PLEKHA8: variants seen among roughly 807,000 people sequenced by gnomAD.
PLEKHA8 encodes the protein pleckstrin homology domain-containing family A member 8.
A neutral mutation model predicts 68.2 loss-of-function variants in PLEKHA8; 36 were observed. The observed-to-expected ratio is 0.53, with a 90% confidence interval of 0.40 to 0.70. The LOEUF (loss-of-function observed/expected upper bound fraction) is 0.70. Among genes scored for constraint, PLEKHA8 ranks in the 30% least tolerant of loss-of-function variants. The pLI is 0.00. For synonymous variants in PLEKHA8, 211 were observed against 216.1 expected (o/e 0.98, Z 0.20); for missense variants, 505 against 615.4 (o/e 0.82, Z 1.90).
intron 10 of PLEKHA8, 76 bp from the exon 11 acceptor site, chr7:30,061,821 A>G: frequency 6.5e-7 from 1 of 1,541,894 alleles, no homozygotes; most frequent in Non-Finnish European, 8.8e-7. Context: ...CCAAACTTAC[A>G]AGTCTCCAGA....
In PLEKHA8 at chr7:30,103,193, C is replaced by T. The variant is rs185722735; in HGVS notation, c.1363-26073C>T. Among the ~76,000 whole-genome samples, 78 of 152,190 alleles carry T rather than the reference C, an allele frequency of 5.1e-4. 1 individual carries two copies. Among genetic ancestry groups the T allele is most frequent in the Middle Eastern group, 3.4e-3 (1 of 294 alleles). On this transcript the variant is annotated intron_variant, in intron 13 of 13. Coordinates refer to the PLEKHA8 transcript ENST00000396257. The stretch of plus-strand genomic sequence containing the variant: ...AAAAATGTTCCAGAACAAAAATGTT[C>T]CAGATATTGTGCATAAGAAATGATG...
intron 10 of PLEKHA8, among the ~76,000 whole-genome samples, chr7:30,061,662 G>GA (rs1483926315): frequency 2.0e-5 from 3 of 152,120 alleles, no homozygotes; most frequent in Non-Finnish European, 4.4e-5. Context: ...TTCTGAGGCA[G>GA]AAAAAATAAC....
In PLEKHA8 at chr7:30,036,723, C is replaced by T. The variant is rs536064066; in HGVS notation, c.40+7921C>T. On this transcript the variant is annotated intron_variant, in intron 1 of 13. Coordinates refer to ENST00000449726, the MANE Select transcript of PLEKHA8 (RefSeq NM_001197026.2). ...ATCTATTGTAATTATAGTCTTCTTA[C>T]CATCTACATGGTAGACTCTCCAGTA... Among the ~76,000 whole-genome samples the T allele has an allele frequency of 2.0e-5, 3 of 152,306 alleles. No individual in the cohort carries two copies. In the East Asian group the frequency reaches 5.8e-4, roughly 29 times the overall value.
At chr7:30,073,550 T>C (rs1794401009) in intron 12 of PLEKHA8, among the ~76,000 whole-genome samples, 3 of 139,162 alleles carry the variant, frequency 2.2e-5, no homozygotes, top group South Asian at 4.4e-4. Context: ...AGAGTGGAAG[T>C]ATTTGTGTTT....
intron 12 of PLEKHA8, among the ~76,000 whole-genome samples, chr7:30,072,585 C>T (rs978947373): frequency 2.0e-4 from 30 of 152,242 alleles, no homozygotes; most frequent in Non-Finnish European, 1.5e-5. Flanking sequence ...TGGCAATGTC[C>T]TGTGAACCAC....
chr7:30,120,406 A>T (rs1206488018), intron 13 of PLEKHA8, among the ~76,000 whole-genome samples: 1 of 152,196 alleles, frequency 6.6e-6, no homozygotes, highest in East Asian at 1.9e-4. Context: ...CGTTTGCTTT[A>T]TTTGAATACA....
chr7:30,045,109 T>C lies in PLEKHA8; in HGVS notation c.65T>C (p.Leu22Pro). The change falls in exon 2 of 14, where the codon CTC becomes CCC. Residue 22 changes from leucine (L) to proline (P), a missense_variant. Transcript: ENST00000449726. ...LSGWQPRWFL[L>P]CGGILSYYDS... The stretch of plus-strand genomic sequence containing the variant: ...GGTTGGCAGCCTCGATGGTTCCTTC[T>C]CTGTGGGGGAATATTGTCCTATTAT... The C allele has an allele frequency of 2.5e-6, 4 of 1,609,186 alleles. No individual in the cohort carries two copies. Among genetic ancestry groups the C allele is most frequent in the Non-Finnish European group, 3.4e-6 (4 of 1,178,234 alleles).
chr7:30,129,306 A>G, exon 14 of PLEKHA8: 1 of 1,612,822 alleles, frequency 6.2e-7, no homozygotes, highest in Non-Finnish European at 8.5e-7. Context: ...AGAAACCATC[A>G]TGGACCATGA....
intron 12 of PLEKHA8, among the ~76,000 whole-genome samples, chr7:30,067,529 G>C (rs890302370): frequency 1.3e-5 from 2 of 152,094 alleles, no homozygotes; most frequent in African/African-American, 4.8e-5. Context: ...TGACCTAATA[G>C]AAAAAAATAG....
At chr7:30,110,741 A>G (rs1185435539) in intron 13 of PLEKHA8, among the ~76,000 whole-genome samples, 1 of 152,176 alleles carries the variant, frequency 6.6e-6, no homozygotes, top group African/African-American at 2.4e-5. Context: ...TAGTGAGTGC[A>G]AGTGTGAAGT....
At chr7:30,106,491 G>A (rs1001022806) in intron 13 of PLEKHA8, among the ~76,000 whole-genome samples, 5 of 152,114 alleles carry the variant, frequency 3.3e-5, no homozygotes, top group African/African-American at 1.2e-4. Context: ...TAATTTAATA[G>A]CAGCAGCACC....
At chr7:30,076,078 T>C (rs1161550945) in intron 13 of PLEKHA8, among the ~76,000 whole-genome samples, 1 of 151,988 alleles carries the variant, frequency 6.6e-6, no homozygotes, top group Non-Finnish European at 1.5e-5. Context: ...TAGATGTTTA[T>C]ACATGCATAT....
At chr7:30,122,632 TCTC>T (rs1489239068) in intron 13 of PLEKHA8, among the ~76,000 whole-genome samples, 1 of 152,148 alleles carries the variant, frequency 6.6e-6, no homozygotes, top group Non-Finnish European at 1.5e-5. Context: ...CTCACTCTGC[TCTC>T]CTGTCCATGA....
At chr7:30,118,950 C>T (rs1398861428) in intron 13 of PLEKHA8, among the ~76,000 whole-genome samples, 1 of 152,200 alleles carries the variant, frequency 6.6e-6, no homozygotes, top group Non-Finnish European at 1.5e-5. Context: ...GGCCTCATTC[C>T]CAAATTCTTG....
chr7:30,124,565 G>A (rs547169530), intron 13 of PLEKHA8, among the ~76,000 whole-genome samples: 7 of 152,048 alleles, frequency 4.6e-5, no homozygotes, highest in South Asian at 2.1e-4. Flanking sequence ...AGCCTTTTTC[G>A]TTGTTTTACT....
chr7:30,117,881 T>A (rs1796617318), intron 13 of PLEKHA8: 1 of 865,994 alleles, frequency 1.2e-6, no homozygotes. Flanking sequence ...ACAACTCTAC[T>A]TCCTGTAGAT....
intron 5 of PLEKHA8, 141 bp from the exon 6 acceptor site, chr7:30,050,293 C>A: frequency 9.6e-7 from 1 of 1,046,426 alleles, no homozygotes; most frequent in Non-Finnish European, 1.3e-6. Context: ...TTTGGGAAGA[C>A]CTAAAATTGT....
chr7:30,119,365 C>T (rs995768280), intron 13 of PLEKHA8, among the ~76,000 whole-genome samples: 4 of 152,142 alleles, frequency 2.6e-5, no homozygotes, highest in African/African-American at 9.7e-5. Flanking sequence ...GAGGTTAAAT[C>T]TCATAGCTAG....
intron 13 of PLEKHA8, among the ~76,000 whole-genome samples, chr7:30,111,159 C>T (rs1796261642): frequency 6.6e-6 from 1 of 152,112 alleles, no homozygotes; most frequent in Non-Finnish European, 1.5e-5. Flanking sequence ...CCACCTCGGC[C>T]TCCCAAAGCA....
Sources: gnomAD v4.1 joint callset for allele counts (sites outside exome capture counted in the v4.1 genomes callset) on GRCh38, gnomAD v4.1.1 for gene constraint, MANE v1.5 for transcripts, NCBI Gene and HGNC (gene_info 2026-07-23, HGNC 2026-07-21) for gene names.